The following ADGRL1 variants were observed in gnomAD, a reference collection of about 807,000 sequenced individuals.
The protein encoded by ADGRL1 is adhesion G protein-coupled receptor L1, also known as CIRL-1.
A neutral mutation model predicts 148.9 loss-of-function variants in ADGRL1; 31 were observed. That is an observed-to-expected ratio of 0.21 (90% CI 0.16 to 0.28). ADGRL1 has a LOEUF of 0.28. Among genes scored for constraint, ADGRL1 ranks in the 10% least tolerant of loss-of-function variants. The pLI is 1.00. For synonymous variants in ADGRL1, 937 were observed against 900.3 expected (o/e 1.04, Z -0.73); for missense variants, 1,521 against 2,058.8 (o/e 0.74, Z 5.05).
chr19:14,157,179 C>T lies in ADGRL1; in HGVS notation c.2746-34G>A. The T allele has an allele frequency of 3.1e-6, 5 of 1,613,446 alleles. No homozygotes were observed. Among genetic ancestry groups the T allele is most frequent in the Non-Finnish European group, 4.2e-6 (5 of 1,179,602 alleles). On this transcript the variant is annotated intron_variant, in intron 14 of 22. Transcript: ENST00000361434. This position sits in a 1 kb window ranked among gnomAD's most constrained non-coding sequence, Gnocchi z 7.5. Reference sequence around the variant, plus strand: ...AGCACTGAGGGTGAGGGGCTGCTGCCTGGACAGGTGTCCCCCTTCTTCTCC... The same window carrying T: ...AGCACTGAGGGTGAGGGGCTGCTGCTTGGACAGGTGTCCCCCTTCTTCTCC...
In ADGRL1 at chr19:14,162,971, G is replaced by T; in HGVS notation, c.830C>A (p.Ala277Asp). ...VDENGLWVIY[A>D]TEGNNGRLVV... ...CAGCCGCCCGTTGTTGCCCTCAGTG[G>T]CGTAGATGACCCACAGCCCGTTCTC... The change falls in exon 5 of 23, where the codon GCC (alanine) becomes GAC (aspartate). Residue 277 changes from alanine to aspartate, a missense_variant. This residue lies in a region of ADGRL1 where 334 missense variants were observed against 512.5 expected (regional missense o/e 0.65). Coordinates refer to ENST00000361434, the MANE Select transcript of ADGRL1 (RefSeq NM_014921.5). The surrounding 1 kb of genome is among the most constrained non-coding windows in gnomAD (Gnocchi z 5.4). 1 of 1,613,936 alleles carries T rather than the reference G, an allele frequency of 6.2e-7. No individual in the cohort carries two copies. Among genetic ancestry groups the T allele is most frequent in the Non-Finnish European group, 8.5e-7 (1 of 1,179,980 alleles).
chr19:14,182,392 C>A (rs768077027), intron 2 of ADGRL1, among the ~76,000 whole-genome samples: 4 of 152,168 alleles, frequency 2.6e-5, no homozygotes, highest in African/African-American at 9.7e-5. Context: ...AGCCAGGGAC[C>A]CAGATGCCCC....
At chr19:14,187,108 C>T (rs1253838791) in intron 1 of ADGRL1, among the ~76,000 whole-genome samples, 3 of 152,188 alleles carry the variant, frequency 2.0e-5, no homozygotes, top group Non-Finnish European at 4.4e-5. Flanking sequence ...GAAGCCGAGG[C>T]GGGTGGATCA....
chr19:14,205,648 C>T (rs1462277110), intron 1 of ADGRL1, among the ~76,000 whole-genome samples: 2 of 151,298 alleles, frequency 1.3e-5, no homozygotes, highest in East Asian at 2.0e-4. Context: ...CCCACAAAGG[C>T]TGGCGCGCGC....
chr19:14,184,741 G>T (rs372374138), intron 1 of ADGRL1, among the ~76,000 whole-genome samples: 3 of 151,064 alleles, frequency 2.0e-5, no homozygotes, highest in African/African-American at 7.3e-5. Context: ...CTGGGTTCAC[G>T]CCATTCTCCT....
intron 16 of ADGRL1, 82 bp downstream of exon 16, chr19:14,156,576 G>GGGGGGC (rs890667641): frequency 3.4e-6 from 3 of 889,762 alleles, no homozygotes; most frequent in African/African-American, 3.5e-5. Flanking sequence ...TGGGGGGGGT[G>GGGGGGC]GGGGGCGGGG....
intron 1 of ADGRL1, among the ~76,000 whole-genome samples, chr19:14,194,185 C>T (rs535875727): frequency 1.3e-5 from 2 of 152,296 alleles, no homozygotes; most frequent in South Asian, 4.1e-4. Context: ...ACACTTCAGC[C>T]TGGGCAATAG....
At position 14,157,669 on chromosome 19, in the gene ADGRL1, C is replaced by T. The variant is rs562464021; in HGVS notation, c.2536-209G>A. ...GCTTGTGGAGAGATGACCAACGTAACACCAACTTGCTTCTCCAGAGTGCCT... is the reference window on the plus strand; with the variant it reads ...GCTTGTGGAGAGATGACCAACGTAATACCAACTTGCTTCTCCAGAGTGCCT... On this transcript the variant is annotated intron_variant, in intron 13 of 22. Transcript: ENST00000361434. The surrounding 1 kb of genome is among the most constrained non-coding windows in gnomAD (Gnocchi z 7.5). Among the ~76,000 whole-genome samples the T allele has an allele frequency of 1.3e-5, 2 of 152,372 alleles. 1 individual carries two copies. The highest frequency in any genetic ancestry group is 4.1e-4 in the South Asian group (2 of 4,830).
chr19:14,165,692 GAGA>G (rs1381738961), intron 4 of ADGRL1, among the ~76,000 whole-genome samples: 2 of 151,788 alleles, frequency 1.3e-5, no homozygotes, highest in Non-Finnish European at 2.9e-5. Flanking sequence ...GAGACTCCAG[GAGA>G]AAGAGAGGAG....
chr19:14,163,465 G>GGAGAGGGAGGAGA (rs1555785180), intron 4 of ADGRL1, 59 bp from the exon 5 acceptor site: 1 of 641,406 alleles, frequency 1.6e-6, no homozygotes, highest in African/African-American at 2.4e-5. Context: ...GCGAGAGGGA[G>GGAGAGGGAGGAGA]GAGAGAGAGA....
intron 1 of ADGRL1, among the ~76,000 whole-genome samples, chr19:14,195,525 C>G (rs1255072575): frequency 6.6e-6 from 1 of 152,074 alleles, no homozygotes; most frequent in Non-Finnish European, 1.5e-5. Flanking sequence ...TCATGGTCTC[C>G]TCCCTTCCTG....
At chr19:14,196,141 C>T (rs1419938727) in intron 1 of ADGRL1, among the ~76,000 whole-genome samples, 1 of 152,222 alleles carries the variant, frequency 6.6e-6, no homozygotes, top group East Asian at 1.9e-4. Flanking sequence ...CCACCCCTGT[C>T]CCATCCAATC....
At chr19:14,197,858 AC>A (rs1376281845) in intron 1 of ADGRL1, among the ~76,000 whole-genome samples, 3 of 152,112 alleles carry the variant, frequency 2.0e-5, no homozygotes, top group Non-Finnish European at 4.4e-5. Flanking sequence ...GATGAAATAG[AC>A]CCAAAAAGCA....
chr19:14,176,744 CA>C (rs1342884618), intron 3 of ADGRL1, among the ~76,000 whole-genome samples: 5 of 151,792 alleles, frequency 3.3e-5, no homozygotes, highest in African/African-American at 1.2e-4. Flanking sequence ...GAGGCTGAGG[CA>C]GGGGGATTGC....
intron 1 of ADGRL1, among the ~76,000 whole-genome samples, chr19:14,192,766 C>A (rs1243545513): frequency 1.3e-5 from 2 of 151,606 alleles, no homozygotes; most frequent in Non-Finnish European, 2.9e-5. Flanking sequence ...GGTCAGGCTG[C>A]TCTCGAACTC....
rs74181775 is a variant in ADGRL1 at position 14,184,606 on chromosome 19, T to TTTTATTTA, written c.-95-917_-95-910dup. On this transcript the variant is annotated intron_variant, in intron 1 of 22. Coordinates refer to ENST00000361434, the MANE Select transcript of ADGRL1 (RefSeq NM_014921.5). Reference sequence around the variant, plus strand: ...CACCACTACCACCAGCTAATTTTTATTTTATTTATTTATTTATTTATTTAT... The same window carrying TTTTATTTA: ...CACCACTACCACCAGCTAATTTTTATTTTATTTATTTATTTATTTATTTATTTATTTAT... Among the ~76,000 whole-genome samples the TTTTATTTA allele has an allele frequency of 7.3e-3, 757 of 103,980 alleles. 11 individuals are homozygous for TTTTATTTA. The highest frequency in any genetic ancestry group is 0.02 in the African/African-American group (488 of 24,608). 68.2% of individuals were successfully genotyped at this position (103,980 alleles called of 152,430 possible).
chr19:14,158,807 TCTCA>T (rs1187731887), intron 11 of ADGRL1, among the ~76,000 whole-genome samples: 1 of 152,192 alleles, frequency 6.6e-6, no homozygotes, highest in African/African-American at 2.4e-5. Context: ...ACCCACCCAT[TCTCA>T]CTGTGTGACC....
chr19:14,180,553 G>A (rs939186172), intron 2 of ADGRL1, among the ~76,000 whole-genome samples: 2 of 151,680 alleles, frequency 1.3e-5, no homozygotes, highest in African/African-American at 2.4e-5. Context: ...ACCACGCCTG[G>A]CCTGTTTGTT....
chr19:14,172,708 C>T (rs1400597123), intron 3 of ADGRL1, among the ~76,000 whole-genome samples: 1 of 152,138 alleles, frequency 6.6e-6, no homozygotes, highest in Non-Finnish European at 1.5e-5. Context: ...CCGCTGTACT[C>T]CAGAAGTAGA....
Sources: allele counts gnomAD v4.1 joint callset (sites outside exome capture counted in the v4.1 genomes callset), GRCh38; gene constraint gnomAD v4.1.1; regional missense constraint gnomAD v4.1.1; non-coding constraint Gnocchi (gnomAD v3.1); transcripts MANE v1.5; gene names NCBI Gene and HGNC (gene_info 2026-07-23, HGNC 2026-07-21).